ENTREP1: variants seen among roughly 807,000 people sequenced by gnomAD.
ENTREP1 encodes the protein endosomal transmembrane epsin interactor 1.
the ENTREP1 span, chr9:69,324,722 C>T: frequency 5.1e-6 from 5 of 984,744 alleles, no homozygotes; most frequent in Admixed American, 6.1e-5. Context: ...TCGAGTCGCC[C>T]CAAAGCCCCT....
the ENTREP1 span, chr9:69,325,145 C>T: frequency 9.6e-7 from 1 of 1,038,858 alleles, no homozygotes; most frequent in Non-Finnish European, 1.2e-6. Flanking sequence ...AGGGCAGCGG[C>T]AGCGGCGGCA....
At chr9:69,354,412 C>G in the ENTREP1 span, among the ~76,000 whole-genome samples, 4 of 152,006 alleles carry the variant, frequency 2.6e-5, no homozygotes, top group African/African-American at 9.7e-5. Context: ...TGCCCACCAC[C>G]AGGCCCAGCT....
At chr9:69,385,734 C>G in the ENTREP1 span, 15 of 1,448,828 alleles carry the variant, frequency 1.0e-5, no homozygotes, top group Non-Finnish European at 1.4e-5. Context: ...TTGAGGACTG[C>G]AGCTGGTGAG....
chr9:69,387,862 A>G, the ENTREP1 span: 2 of 1,302,900 alleles, frequency 1.5e-6, no homozygotes, highest in Non-Finnish European at 2.0e-6. Context: ...CATGAAACTT[A>G]ACCTCATTAT....
the ENTREP1 span, chr9:69,391,477 C>CTT: frequency 4.9e-3 from 3,367 of 683,480 alleles, no homozygotes; most frequent in African/African-American, 9.7e-3. Flanking sequence ...GGGAAAATGC[C>CTT]TTTTTTTTTT....
At chr9:69,368,008 G>A in the ENTREP1 span, among the ~76,000 whole-genome samples, 1 of 150,346 alleles carries the variant, frequency 6.7e-6, no homozygotes, top group Non-Finnish European at 1.5e-5. Flanking sequence ...TTTGTTGTTG[G>A]TGTATATAAA....
At chr9:69,327,181 G>A in the ENTREP1 span, among the ~76,000 whole-genome samples, 3 of 152,288 alleles carry the variant, frequency 2.0e-5, no homozygotes, top group South Asian at 2.1e-4. Context: ...ATTGGGGTAC[G>A]TGCTGGACTG....
the ENTREP1 span, among the ~76,000 whole-genome samples, chr9:69,333,235 A>T: frequency 5.2e-4 from 79 of 150,612 alleles, no homozygotes; most frequent in Non-Finnish European, 9.5e-4. Flanking sequence ...TGTGTAGGTG[A>T]GGGGGGCAGA....
At chr9:69,349,956 A>C in the ENTREP1 span, among the ~76,000 whole-genome samples, 1 of 152,218 alleles carries the variant, frequency 6.6e-6, no homozygotes, top group Admixed American at 6.5e-5. Context: ...TTAAAGGCAA[A>C]AGATTATAGG....
At chr9:69,370,742 A>G in the ENTREP1 span, among the ~76,000 whole-genome samples, 1 of 152,218 alleles carries the variant, frequency 6.6e-6, no homozygotes, top group African/African-American at 2.4e-5. Context: ...ACTCTGACAT[A>G]TCAGCTACTT....
the ENTREP1 span, among the ~76,000 whole-genome samples, chr9:69,336,423 G>T: frequency 6.6e-6 from 1 of 152,108 alleles, no homozygotes; most frequent in African/African-American, 2.4e-5. Flanking sequence ...ATCATAACCA[G>T]TAAGTAAGAT....
the ENTREP1 span, chr9:69,381,367 C>T: frequency 6.6e-6 from 1 of 152,154 alleles, no homozygotes; most frequent in Admixed American, 6.5e-5. Flanking sequence ...GACCCTCATT[C>T]TTTAATAAAA....
chr9:69,360,010 G>A, the ENTREP1 span, among the ~76,000 whole-genome samples: 1 of 135,558 alleles, frequency 7.4e-6, no homozygotes, highest in African/African-American at 2.8e-5. Context: ...ACAGCCATTT[G>A]AGGTATCACT....
chr9:69,341,653 G>A, the ENTREP1 span, among the ~76,000 whole-genome samples: 1 of 152,154 alleles, frequency 6.6e-6, no homozygotes, highest in Non-Finnish European at 1.5e-5. Flanking sequence ...GGTGGATTAT[G>A]CTGTGAGATA....
the ENTREP1 span, among the ~76,000 whole-genome samples, chr9:69,328,254 A>G: frequency 6.6e-6 from 1 of 152,196 alleles, no homozygotes; most frequent in Non-Finnish European, 1.5e-5. Flanking sequence ...TTGTGAGATT[A>G]AATTCTCTTA....
chr9:69,354,937 G>T, the ENTREP1 span, among the ~76,000 whole-genome samples: 1 of 152,092 alleles, frequency 6.6e-6, no homozygotes, highest in South Asian at 2.1e-4. Flanking sequence ...CCTCCTTTGA[G>T]ATATTAGATT....
chr9:69,326,863 C>G, the ENTREP1 span, among the ~76,000 whole-genome samples: 1 of 151,860 alleles, frequency 6.6e-6, no homozygotes, highest in Non-Finnish European at 1.5e-5. Flanking sequence ...CACAGCCGAC[C>G]GTAAATAACC....
At chr9:69,374,448 A>G in the ENTREP1 span, among the ~76,000 whole-genome samples, 70 of 152,244 alleles carry the variant, frequency 4.6e-4, no homozygotes, top group African/African-American at 1.6e-3. Context: ...TTAATTTAAA[A>G]TGGATAGTCA....
chr9:69,364,471 T>C, the ENTREP1 span, among the ~76,000 whole-genome samples: 15 of 152,108 alleles, frequency 9.9e-5, no homozygotes, highest in Non-Finnish European at 2.1e-4. Flanking sequence ...CTGAGTCGTC[T>C]TTGTGACTAT....
Sources: allele counts gnomAD v4.1 joint callset (sites outside exome capture counted in the v4.1 genomes callset), GRCh38; gene constraint gnomAD v4.1.1; transcripts MANE v1.5; gene names NCBI Gene and HGNC (gene_info 2026-07-23, HGNC 2026-07-21).